The following CCDC121 variants were observed in gnomAD, a reference collection of about 807,000 sequenced individuals.
CCDC121 encodes the protein coiled-coil domain containing 121.
For synonymous variants in CCDC121, 108 were observed against 120.0 expected, an observed-to-expected ratio of 0.90 and a Z score of 0.65; for missense variants, 238 against 304.1, an observed-to-expected ratio of 0.78 and a Z score of 1.62.
intron 1 of CCDC121, chr2:27,628,133 G>C (rs1355434310): frequency 2.1e-5 from 13 of 622,376 alleles, no homozygotes; most frequent in Middle Eastern, 4.2e-4. Flanking sequence ...TATTACCTCA[G>C]TTTTAAAAAA....
In CCDC121 at chr2:27,626,265, T is replaced by C. The variant is rs1226715808; in HGVS notation, c.*698A>G. ...TCCTGAAATAAGTGGAGGCATTCAG[T>C]CACCTCAATGCTACAGGTGTTTCTT... On this transcript the variant is annotated 3_prime_UTR_variant, in exon 2 of 2. Transcript: ENST00000324364. The C allele has an allele frequency of 6.6e-6, 1 of 152,380 alleles. No individual in the cohort carries two copies. Among genetic ancestry groups the C allele is most frequent in the Non-Finnish European group, 1.5e-5 (1 of 68,040 alleles). The allele number at this position is 152,380 out of a possible 1,614,324, so 9.4% of individuals were successfully genotyped here.
rs562782964 is a variant in CCDC121 at position 27,627,354 on chromosome 2, T to C, written c.446A>G (p.Glu149Gly). ...CAGTTGTTTCTCCAGTAATCTTTTC[T>C]CCTGGAGGAGCTGGGCCTGTACTTC... ...TREVQAQLLQ[E>G]KRLLEKQLSE... Residue 149 changes from glutamate to glycine, a missense_variant, in exon 2 of 2, where the codon GAG (glutamate) becomes GGG (glycine). By Grantham distance (98) the Glu-to-Gly change is moderately conservative. Coordinates refer to ENST00000324364, the MANE Select transcript of CCDC121 (RefSeq NM_024584.5). The C allele has an allele frequency of 6.2e-7, 1 of 1,613,988 alleles. No individual in the cohort carries two copies. Among genetic ancestry groups the C allele is most frequent in the South Asian group, 1.1e-5 (1 of 91,078 alleles).
chr2:27,628,161 A>G, intron 1 of CCDC121: 1 of 624,624 alleles, frequency 1.6e-6, no homozygotes. Flanking sequence ...ACAGGTTCAG[A>G]GAGTTTAAGT....
At position 27,627,019 on chromosome 2, in the gene CCDC121, G is replaced by C; in HGVS notation, c.781C>G (p.Pro261Ala). The change falls in exon 2 of 2, where the codon CCA (proline) becomes GCA (alanine). Residue 261 changes from proline to alanine, a missense_variant. Transcript: ENST00000324364. ...TGGGGAAGACTGGGTGTGGTCTTTG[G>C]AACATCCTGTCTATTTAGGCACTGA... ...HNQCLNRQDV[P>A]KTTPSLPQGT... 6.2e-7 allele frequency: 1 copy of C among 1,613,912 alleles called. No homozygotes were observed. The highest frequency in any genetic ancestry group is 8.5e-7 in the Non-Finnish European group (1 of 1,179,922).
Position 27,627,056 on chromosome 2 carries a change from T to C in CCDC121, c.744A>G (p.Gln248=). 6.2e-7 allele frequency: 1 copy of C among 1,614,144 alleles called. No homozygotes were observed. The highest frequency in any genetic ancestry group is 1.1e-5 in the South Asian group (1 of 91,078). ...ESLIQARQRL[Q]GSHNQCLNRQ... ...TATTTAGGCACTGATTATGACTTCC[T>C]TGCAGTCTCTGCCTCGCCTGGATTA... The change falls in exon 2 of 2, where the codon CAA becomes CAG. Residue 248 remains glutamine (Q), a synonymous_variant. Coordinates refer to ENST00000324364, the MANE Select transcript of CCDC121 (RefSeq NM_024584.5).
chr2:27,627,149 C>T lies in CCDC121; in HGVS notation c.651G>A (p.Thr217=), dbSNP rs368903552. 25 of 1,613,838 alleles carry T rather than the reference C, an allele frequency of 1.5e-5. No homozygotes were observed. The African/African-American group carries it at 1.7e-4, about 11-fold the overall frequency. Residue 217 remains threonine (T), a synonymous_variant, in exon 2 of 2, where the codon ACG becomes ACA. Coordinates refer to ENST00000324364, the MANE Select transcript of CCDC121 (RefSeq NM_024584.5). ...TGTTTTCTAAGTGGCTTTGAGTAGC[C>T]GTTAGTTTCTGGGCTTGCTCAATTA... The part of the protein sequence containing the change: ...LQLIEQAQKL[T]ATQSHLENRK...
chr2:27,627,825 C>A lies in CCDC121; in HGVS notation c.-26G>T. On this transcript the variant is annotated 5_prime_UTR_variant, in exon 2 of 2. The change creates a new upstream start codon in the 5' untranslated region. Transcript: ENST00000324364. ...TTCCGCCACTATCTTTTCTTTAAGCCTTGTCTCTACCTTTGTTAGCTTCTC... is the reference window on the plus strand; with the variant it reads ...TTCCGCCACTATCTTTTCTTTAAGCATTGTCTCTACCTTTGTTAGCTTCTC... 6.2e-7 allele frequency: 1 copy of A among 1,614,034 alleles called. No homozygotes were observed. Among genetic ancestry groups the A allele is most frequent in the Non-Finnish European group, 8.5e-7 (1 of 1,179,998 alleles).
intron 1 of CCDC121, 114 bp from the exon 2 acceptor site, chr2:27,628,031 CATT>C: frequency 1.3e-6 from 1 of 768,984 alleles, no homozygotes; most frequent in Non-Finnish European, 2.1e-6. Context: ...ATGTTCCAGA[CATT>C]ATGCAAGGTG....
chr2:27,627,208 C>G lies in CCDC121; in HGVS notation c.592G>C (p.Glu198Gln). 1 of 1,614,008 alleles carries G rather than the reference C, an allele frequency of 6.2e-7. No individual in the cohort carries two copies. Among genetic ancestry groups the G allele is most frequent in the Non-Finnish European group, 8.5e-7 (1 of 1,179,874 alleles). ...AATTCCTTCTTGAACTGCTGGTTCT[C>G]TCTGTTGATGCCACAGGAGTATTCA... ...IFEYSCGINR[E>Q]NQQFKKELLQ... Residue 198 changes from glutamate (E) to glutamine (Q), a missense_variant, in exon 2 of 2, where the codon GAG (glutamate) becomes CAG (glutamine). Physicochemically the swap from Glu to Gln is conservative, Grantham distance 29. Transcript: ENST00000324364.
Position 27,628,935 on chromosome 2 carries a change from C to G in CCDC121, c.-119+15G>C. The G allele has an allele frequency of 6.6e-7, 1 of 1,513,362 alleles. No homozygotes were observed. Among genetic ancestry groups the G allele is most frequent in the South Asian group, 1.3e-5 (1 of 76,940 alleles). 93.7% of individuals were successfully genotyped at this position (1,513,362 alleles called of 1,614,324 possible). A position where few individuals can be genotyped will look rare whatever the true frequency, so the allele number is the denominator to read the frequency against. ...GACGCTAAGAAGATGCCCTGGCAAC[C>G]GCCGCGCCCCTCACCCGCTCCTTTC... On this transcript the variant is annotated intron_variant, in intron 1 of 1. Coordinates refer to ENST00000324364, the MANE Select transcript of CCDC121 (RefSeq NM_024584.5).
chr2:27,627,351 T>C lies in CCDC121; in HGVS notation c.449A>G (p.Lys150Arg), dbSNP rs1292671725. 13 of 1,613,966 alleles carry C rather than the reference T, an allele frequency of 8.1e-6. No individual in the cohort carries two copies. The highest frequency in any genetic ancestry group is 1.1e-5 in the Non-Finnish European group (13 of 1,179,888). Residue 150 changes from lysine to arginine, a missense_variant, in exon 2 of 2, where the codon AAA becomes AGA. Physicochemically the swap from Lys to Arg is conservative, Grantham distance 26. Coordinates refer to ENST00000324364, the MANE Select transcript of CCDC121 (RefSeq NM_024584.5). ...REVQAQLLQE[K>R]RLLEKQLSEP... is the part of the protein sequence containing the mutation. ...GCTCAGTTGTTTCTCCAGTAATCTT[T>C]TCTCCTGGAGGAGCTGGGCCTGTAC...
In CCDC121 at chr2:27,627,824, C is replaced by G. The variant is rs746236678; in HGVS notation, c.-25G>C. ...TTTCCGCCACTATCTTTTCTTTAAG[C>G]CTTGTCTCTACCTTTGTTAGCTTCT... On this transcript the variant is annotated 5_prime_UTR_variant, in exon 2 of 2. Transcript: ENST00000324364. 50 of 1,613,908 alleles carry G rather than the reference C, an allele frequency of 3.1e-5. No individual in the cohort carries two copies. Among genetic ancestry groups the G allele is most frequent in the South Asian group, 4.4e-5 (4 of 91,070 alleles).
In CCDC121 at chr2:27,628,597, G is replaced by A. The variant is rs1236225332; in HGVS notation, c.-119+353C>T. ...CCAGCAACCCTGGAGACTGCACCCTGCTCCAGTCCCGGCTGGTCCAGCCCT... is the reference window on the plus strand; with the variant it reads ...CCAGCAACCCTGGAGACTGCACCCTACTCCAGTCCCGGCTGGTCCAGCCCT... On this transcript the variant is annotated intron_variant, in intron 1 of 1. Coordinates refer to ENST00000324364, the MANE Select transcript of CCDC121 (RefSeq NM_024584.5). 8 of 1,551,466 alleles carry A rather than the reference G, an allele frequency of 5.2e-6. No individual in the cohort carries two copies. The Admixed American group carries it at 1.6e-4, about 30-fold the overall frequency.
At position 27,627,125 on chromosome 2, in the gene CCDC121, G is replaced by A; in HGVS notation, c.675C>T (p.Asn225=). 6.2e-7 allele frequency: 1 copy of A among 1,614,056 alleles called. No individual in the cohort carries two copies. The part of the protein sequence containing the change: ...KLTATQSHLE[N]RKQQLQQEQW... ...GTTCCTGCTGCAGCTGCTGCTTCCT[G>A]TTTTCTAAGTGGCTTTGAGTAGCCG... Residue 225 remains asparagine (N), a synonymous_variant, in exon 2 of 2, where the codon AAC becomes AAT. Transcript: ENST00000324364.
chr2:27,626,083 A>C lies in CCDC121; in HGVS notation c.*880T>G, dbSNP rs1277668492. 3 of 152,302 alleles carry C rather than the reference A, an allele frequency of 2.0e-5. No homozygotes were observed. In the East Asian group the frequency reaches 5.6e-4, roughly 29 times the overall value. The allele number at this position is 152,302 out of a possible 1,614,324, so 9.4% of individuals were successfully genotyped here. On this transcript the variant is annotated 3_prime_UTR_variant, in exon 2 of 2. Coordinates refer to ENST00000324364, the MANE Select transcript of CCDC121 (RefSeq NM_024584.5). ...TACAAAGGATACTTCATGTACTAGA[A>C]AGTGCACCTGTAAGAAAATTAATAA...
Position 27,627,284 on chromosome 2 carries a change from C to T in CCDC121, c.516G>A (p.Glu172=), listed in dbSNP as rs375432537. 2.7e-5 allele frequency: 43 copies of T among 1,613,860 alleles called. No individual in the cohort carries two copies. The highest frequency in any genetic ancestry group is 1.6e-4 in the Middle Eastern group (1 of 6,076). The change falls in exon 2 of 2, where the codon GAG becomes GAA. Residue 172 remains glutamate, a synonymous_variant. Transcript: ENST00000324364. ...RRLLGKRKRR[E]LNMKAQALKL... ...TCAAGGCCTGGGCCTTCATATTAAG[C>T]TCTCTTCTTTTTCTCTTTCCCAGTA...
rs1673309717 is a variant in CCDC121, at chr2:27,627,219, C to T, written c.581G>A (p.Gly194Asp). 6.2e-7 allele frequency: 1 copy of T among 1,614,000 alleles called. No homozygotes were observed. The highest frequency in any genetic ancestry group is 1.3e-5 in the African/African-American group (1 of 75,048). ...AKRFIFEYSC[G>D]INRENQQFKK... ...GAACTGCTGGTTCTCTCTGTTGATG[C>T]CACAGGAGTATTCAAAAATAAACCG... is the stretch of plus-strand genomic sequence containing the variant. Residue 194 changes from glycine (G) to aspartate (D), a missense_variant, in exon 2 of 2, where the codon GGC (glycine) becomes GAC (aspartate). Physicochemically the swap from Gly to Asp is moderately conservative, Grantham distance 94 (BLOSUM62 -1). Coordinates refer to ENST00000324364, the MANE Select transcript of CCDC121 (RefSeq NM_024584.5).
chr2:27,627,283 G>T lies in CCDC121; in HGVS notation c.517C>A (p.Leu173Ile), dbSNP rs1431272090. ...RLLGKRKRRE[L>I]NMKAQALKLA... is the part of the protein sequence containing the mutation. ...TTCAAGGCCTGGGCCTTCATATTAA[G>T]CTCTCTTCTTTTTCTCTTTCCCAGT... is the stretch of plus-strand genomic sequence containing the variant. Residue 173 changes from leucine (L) to isoleucine (I), a missense_variant, in exon 2 of 2, where the codon CTT (leucine) becomes ATT (isoleucine). Coordinates refer to ENST00000324364, the MANE Select transcript of CCDC121 (RefSeq NM_024584.5). 42 of 1,613,824 alleles carry T rather than the reference G, an allele frequency of 2.6e-5. No individual in the cohort carries two copies. The highest frequency in any genetic ancestry group is 3.3e-5 in the Non-Finnish European group (39 of 1,179,874).
Position 27,626,899 on chromosome 2 carries a change from C to T in CCDC121, c.*64G>A, listed in dbSNP as rs1338143193. On this transcript the variant is annotated 3_prime_UTR_variant, in exon 2 of 2. Coordinates refer to ENST00000324364, the MANE Select transcript of CCDC121 (RefSeq NM_024584.5). ...TCTGGAATCCAACAGCCTTTCTAAC[C>T]AGGTTAATGTAGCACTTAAGAGTAC... The T allele has an allele frequency of 3.2e-5, 37 of 1,163,018 alleles. No homozygotes were observed. Among genetic ancestry groups the T allele is most frequent in the Admixed American group, 4.6e-5 (2 of 43,366 alleles). 72.0% of individuals were successfully genotyped at this position (1,163,018 alleles called of 1,614,324 possible). A position where few individuals can be genotyped will look rare whatever the true frequency, so the allele number is the denominator to read the frequency against.
Sources: gnomAD v4.1 joint callset for allele counts on GRCh38, gnomAD v4.1.1 for gene constraint, MANE v1.5 for transcripts, NCBI Gene and HGNC (gene_info 2026-07-23, HGNC 2026-07-21) for gene names.